RERE: variants seen among roughly 807,000 people sequenced by gnomAD.
RERE encodes the protein arginine-glutamic acid dipeptide repeats, also known as arginine-glutamic acid dipeptide repeats protein.
A neutral mutation model predicts 146.1 loss-of-function variants in RERE; 40 were observed. That is an observed-to-expected ratio of 0.27 (90% CI 0.21 to 0.36). RERE has a LOEUF of 0.36. Ranked by LOEUF, RERE falls within the 10% of genes least tolerant of loss-of-function variation. The probability of loss-of-function intolerance (pLI) is 1.00; values close to 1 mark genes in which losing one functional copy is unlikely to be tolerated. For missense variants in RERE, 1,933 were observed against 2,138.7 expected (o/e 0.90, Z 1.90); for synonymous variants, 1,003 against 866.0 (o/e 1.16, Z -2.78).
Position 8,564,826 on chromosome 1 carries a change from A to ATGTGTGTGTGTGTG in RERE, c.523-7304_523-7303insCACACACACACACA, listed in dbSNP as rs796133984. Among the ~76,000 whole-genome samples the ATGTGTGTGTGTGTG allele has an allele frequency of 8.7e-3, 1,021 of 117,496 alleles. 9 individuals are homozygous for ATGTGTGTGTGTGTG. The highest frequency in any genetic ancestry group is 0.024 in the East Asian group (95 of 4,012). 77.1% of individuals were successfully genotyped at this position (117,496 alleles called of 152,430 possible). A position where few individuals can be genotyped will look rare whatever the true frequency, so the allele number is the denominator to read the frequency against. On this transcript the variant is annotated intron_variant, in intron 4 of 22. Coordinates refer to ENST00000400908, the MANE Select transcript of RERE (RefSeq NM_001042681.2). ...TGTGTGTGTATGTATGTGTGTGTAT[A>ATGTGTGTGTGTGTG]TGTGTATGTGTGTGTGTGTGTGTGT...
chr1:8,617,963 T>A (rs1306552362), intron 3 of RERE, among the ~76,000 whole-genome samples: 1 of 152,030 alleles, frequency 6.6e-6, no homozygotes, highest in Admixed American at 6.5e-5. Flanking sequence ...TAGACTTCTT[T>A]GGCTTGTTTA....
intron 7 of RERE, among the ~76,000 whole-genome samples, chr1:8,518,397 C>T (rs1435280733): frequency 1.3e-5 from 2 of 152,180 alleles, no homozygotes; most frequent in Non-Finnish European, 2.9e-5. Context: ...ACTGAGAAAT[C>T]TCTCTCCCTG....
chr1:8,371,836 A>G (rs990854146), intron 12 of RERE, among the ~76,000 whole-genome samples: 1 of 152,178 alleles, frequency 6.6e-6, no homozygotes, highest in Non-Finnish European at 1.5e-5. Context: ...GGCCAGGCCC[A>G]GTTCTGCTTT....
intron 11 of RERE, among the ~76,000 whole-genome samples, chr1:8,455,433 T>C (rs979809172): frequency 6.6e-6 from 1 of 152,060 alleles, no homozygotes; most frequent in Admixed American, 6.6e-5. Context: ...CATTCTCCCA[T>C]AATAGAACAT....
At chr1:8,561,683 TA>T (rs1646080504) in intron 4 of RERE, among the ~76,000 whole-genome samples, 1 of 152,250 alleles carries the variant, frequency 6.6e-6, no homozygotes, top group African/African-American at 2.4e-5. Context: ...GGTGCCATCC[TA>T]AAGGTTTACA....
intron 1 of RERE, among the ~76,000 whole-genome samples, chr1:8,713,655 AC>A (rs1242999980): frequency 6.6e-6 from 1 of 151,986 alleles, no homozygotes; most frequent in Non-Finnish European, 1.5e-5. Flanking sequence ...AACCACTTGA[AC>A]CCGGGAGGCA....
intron 1 of RERE, among the ~76,000 whole-genome samples, chr1:8,691,279 A>G (rs1639201430): frequency 6.6e-6 from 1 of 152,170 alleles, no homozygotes; most frequent in Non-Finnish European, 1.5e-5. Flanking sequence ...AACAAACCAC[A>G]TGCTCAGAAG....
At chr1:8,640,392 C>T (rs554363886) in intron 2 of RERE, among the ~76,000 whole-genome samples, 2 of 152,254 alleles carry the variant, frequency 1.3e-5, no homozygotes, top group East Asian at 3.9e-4. Flanking sequence ...TGCCTGCAGC[C>T]TTCAAAGGGA....
chr1:8,474,284 T>G (rs1336296254), intron 10 of RERE, among the ~76,000 whole-genome samples: 1 of 152,206 alleles, frequency 6.6e-6, no homozygotes, highest in African/African-American at 2.4e-5. Context: ...TTAATTCTCT[T>G]GCCTAAACAA....
chr1:8,647,644 T>TGTGTGG (rs1647385595), intron 2 of RERE, among the ~76,000 whole-genome samples: 1 of 98,188 alleles, frequency 1.0e-5, no homozygotes, highest in South Asian at 2.9e-4. Flanking sequence ...AATATGTATG[T>TGTGTGG]GTGTGTGTGT....
intron 1 of RERE, among the ~76,000 whole-genome samples, chr1:8,661,421 C>T (rs939530818): frequency 2.0e-5 from 3 of 152,078 alleles, no homozygotes; most frequent in Non-Finnish European, 4.4e-5. Context: ...TGAAGTTACT[C>T]GAATGACACT....
Position 8,614,573 on chromosome 1 carries a change from T to C in RERE, c.510A>G (p.Arg170=), listed in dbSNP as rs1348057241. ...GGATTCTCCTTACCCCTACAGGCCCTCTCCCGGCTTCAGAAAGATGCTGTG... is the reference window on the plus strand; with the variant it reads ...GGATTCTCCTTACCCCTACAGGCCCCCTCCCGGCTTCAGAAAGATGCTGTG... ...QPPQHLSEAG[R]GPVGSKRDHL... The change falls in exon 4 of 23, where the codon AGA becomes AGG. Residue 170 remains arginine, a synonymous_variant. Coordinates refer to ENST00000400908, the MANE Select transcript of RERE (RefSeq NM_001042681.2). 2 of 1,612,858 alleles carry C rather than the reference T, an allele frequency of 1.2e-6. No individual in the cohort carries two copies. Among genetic ancestry groups the C allele is most frequent in the Non-Finnish European group, 1.7e-6 (2 of 1,179,386 alleles).
intron 1 of RERE, among the ~76,000 whole-genome samples, chr1:8,699,462 T>C (rs1186092258): frequency 6.6e-6 from 1 of 152,254 alleles, no homozygotes; most frequent in Non-Finnish European, 1.5e-5. Flanking sequence ...TATTCTGTTT[T>C]ATTACAAATA....
intron 11 of RERE, among the ~76,000 whole-genome samples, chr1:8,454,562 T>C (rs1324072838): frequency 1.3e-5 from 2 of 151,304 alleles, no homozygotes; most frequent in African/African-American, 2.4e-5. Flanking sequence ...ATGCCAGCAC[T>C]TTGGGAGGCC....
intron 1 of RERE, among the ~76,000 whole-genome samples, chr1:8,778,346 T>G (rs1445349375): frequency 1.3e-5 from 2 of 152,364 alleles, no homozygotes; most frequent in African/African-American, 4.8e-5. Context: ...TTTATATATT[T>G]TAGCAATCTA....
At chr1:8,636,094 T>C (rs972528498) in intron 2 of RERE, among the ~76,000 whole-genome samples, 2 of 152,212 alleles carry the variant, frequency 1.3e-5, no homozygotes, top group Non-Finnish European at 2.9e-5. Context: ...GTTCAAGTGA[T>C]TCTCGTGCCT....
At chr1:8,633,623 T>A (rs1406566392) in intron 2 of RERE, among the ~76,000 whole-genome samples, 1 of 152,022 alleles carries the variant, frequency 6.6e-6, no homozygotes, top group Non-Finnish European at 1.5e-5. Flanking sequence ...CATGCAAAGA[T>A]GCACCTTAAA....
In RERE at chr1:8,490,355, A is replaced by G. The variant is rs113840374; in HGVS notation, c.1104+4708T>C. Among the ~76,000 whole-genome samples the G allele has an allele frequency of 2.1e-3, 312 of 148,400 alleles. 13 individuals carry two copies. Among genetic ancestry groups the G allele is most frequent in the African/African-American group, 6.5e-3 (248 of 38,356 alleles). ...CTGGGCAACATCTCAAAAAAAAAAA[A>G]AAAAGAAAAGAAAAGAAAAGAAACC... is the stretch of plus-strand genomic sequence containing the variant. On this transcript the variant is annotated intron_variant, in intron 10 of 22. Transcript: ENST00000400908.
At chr1:8,385,686 C>G (rs1269962863) in intron 12 of RERE, among the ~76,000 whole-genome samples, 1 of 151,656 alleles carries the variant, frequency 6.6e-6, no homozygotes, top group Non-Finnish European at 1.5e-5. Context: ...TGAAGGGAAG[C>G]CTTCTACCAA....
Sources: allele counts gnomAD v4.1 joint callset (sites outside exome capture counted in the v4.1 genomes callset), GRCh38; gene constraint gnomAD v4.1.1; transcripts MANE v1.5; gene names NCBI Gene and HGNC (gene_info 2026-07-23, HGNC 2026-07-21).